Variants in ANKS1B observed in about 807,000 individuals in gnomAD.
ANKS1B encodes the protein ankyrin repeat and sterile alpha motif domain containing 1B.
A neutral mutation model predicts 148.3 loss-of-function variants in ANKS1B; 36 were observed. The ratio of observed to expected loss-of-function variants is 0.24; its 90% CI spans 0.19 to 0.32. The LOEUF (loss-of-function observed/expected upper bound fraction) is 0.32, where lower values mean the gene tolerates loss of function less well. ANKS1B is among the 10% of genes least tolerant of loss of function. The pLI is 1.00. For missense variants in ANKS1B, 1,157 were observed against 1,542.6 expected (o/e 0.75, Z 4.19); for synonymous variants, 542 against 560.8 (o/e 0.97, Z 0.47).
intron 12 of ANKS1B, among the ~76,000 whole-genome samples, chr12:99,391,210 A>G (rs2094053492): frequency 6.6e-6 from 1 of 152,206 alleles, no homozygotes; most frequent in African/African-American, 2.4e-5. Flanking sequence ...GTTCACAGAG[A>G]AAATAAGAGC....
At chr12:98,879,653 A>G (rs1354444910) in intron 17 of ANKS1B, among the ~76,000 whole-genome samples, 1 of 152,146 alleles carries the variant, frequency 6.6e-6, no homozygotes, top group Admixed American at 6.5e-5. Flanking sequence ...GCATTTGAGA[A>G]ACCTTCGTTG....
At chr12:99,045,257 C>T (rs1304354548) in intron 17 of ANKS1B, among the ~76,000 whole-genome samples, 2 of 152,150 alleles carry the variant, frequency 1.3e-5, no homozygotes, top group African/African-American at 4.8e-5. Context: ...TCTATGGAGG[C>T]ACATGTGTTT....
intron 12 of ANKS1B, among the ~76,000 whole-genome samples, chr12:99,362,769 T>C (rs2152434791): frequency 6.6e-6 from 1 of 152,200 alleles, no homozygotes; most frequent in South Asian, 2.1e-4. Flanking sequence ...TCAAGTTATC[T>C]GCTAATTTTT....
Position 99,830,200 on chromosome 12 carries a change from T to C in ANKS1B, c.135-4811A>G, listed in dbSNP as rs533425875. Among the ~76,000 whole-genome samples the C allele has an allele frequency of 6.6e-5, 10 of 152,264 alleles. No individual in the cohort carries two copies. In the South Asian group the frequency reaches 8.3e-4, roughly 13 times the overall value. ...TAATGAATAAGATATCATCTCTTCC[T>C]CCAAAGAGCTGACAATCTAATAGAG... On this transcript the variant is annotated intron_variant, in intron 1 of 26. Transcript: ENST00000683438.
At chr12:98,935,433 C>CTCT (rs1399582810) in intron 17 of ANKS1B, among the ~76,000 whole-genome samples, 1 of 152,132 alleles carries the variant, frequency 6.6e-6, no homozygotes, top group Non-Finnish European at 1.5e-5. Context: ...CTGCAGTTTT[C>CTCT]TCTTCTTTTG....
chr12:99,331,212 G>T (rs546432413), intron 12 of ANKS1B, among the ~76,000 whole-genome samples: 1 of 151,952 alleles, frequency 6.6e-6, no homozygotes, highest in Non-Finnish European at 1.5e-5. Context: ...TATGCTCATG[G>T]ATTCCTGGAT....
At chr12:99,299,206 G>A (rs1020573825) in intron 12 of ANKS1B, among the ~76,000 whole-genome samples, 1 of 152,038 alleles carries the variant, frequency 6.6e-6, no homozygotes, top group African/African-American at 2.4e-5. Context: ...GATTACAGGT[G>A]TGCGCTACCA....
chr12:99,594,792 G>A (rs894244283), intron 9 of ANKS1B, among the ~76,000 whole-genome samples: 1 of 151,892 alleles, frequency 6.6e-6, no homozygotes, highest in African/African-American at 2.4e-5. Context: ...CTAGAAATCT[G>A]CAGTACAAAT....
At chr12:99,631,621 G>A (rs983840477) in intron 9 of ANKS1B, among the ~76,000 whole-genome samples, 2 of 152,158 alleles carry the variant, frequency 1.3e-5, no homozygotes, top group African/African-American at 4.8e-5. Context: ...TGTCATAAAT[G>A]GGCAAAGAAC....
At chr12:99,632,283 C>T (rs1832191516) in intron 9 of ANKS1B, among the ~76,000 whole-genome samples, 1 of 152,030 alleles carries the variant, frequency 6.6e-6, no homozygotes, top group South Asian at 2.1e-4. Context: ...AGCCTCCACC[C>T]AGATTTCAAA....
chr12:98,901,203 T>C (rs1310817314), intron 17 of ANKS1B, among the ~76,000 whole-genome samples: 1 of 152,202 alleles, frequency 6.6e-6, no homozygotes, highest in Admixed American at 6.5e-5. Context: ...TTTAATTGCT[T>C]TCCAAATAGA....
chr12:99,629,312 G>A (rs1036202779), intron 9 of ANKS1B, among the ~76,000 whole-genome samples: 2 of 152,038 alleles, frequency 1.3e-5, no homozygotes, highest in Admixed American at 1.3e-4. Context: ...TAAGTTAAAA[G>A]TTAATTCATA....
chr12:99,852,348 C>T (rs539611038), intron 1 of ANKS1B, among the ~76,000 whole-genome samples: 1 of 152,088 alleles, frequency 6.6e-6, no homozygotes, highest in Non-Finnish European at 1.5e-5. Context: ...TACATTCAAA[C>T]GTTAAGGTAT....
intron 11 of ANKS1B, among the ~76,000 whole-genome samples, chr12:99,402,129 T>G (rs2094421423): frequency 6.8e-6 from 1 of 146,084 alleles, no homozygotes; most frequent in African/African-American, 2.6e-5. Flanking sequence ...TAACTATAGG[T>G]TTCCTTTTAT....
chr12:98,946,782 C>T (rs192396463), intron 17 of ANKS1B, among the ~76,000 whole-genome samples: 90 of 150,978 alleles, frequency 6.0e-4, no homozygotes, highest in Admixed American at 4.7e-3. Context: ...CTGAAAAAAG[C>T]AAAAAAGAAA....
intron 17 of ANKS1B, among the ~76,000 whole-genome samples, chr12:98,858,792 A>C (rs895043897): frequency 6.6e-5 from 10 of 152,200 alleles, no homozygotes; most frequent in African/African-American, 2.4e-4. Flanking sequence ...CACTACTGGA[A>C]GCTGTGATGT....
intron 8 of ANKS1B, among the ~76,000 whole-genome samples, chr12:99,763,417 A>C (rs1013613334): frequency 6.6e-6 from 1 of 152,174 alleles, no homozygotes; most frequent in African/African-American, 2.4e-5. Context: ...ACTTGTTCTT[A>C]CTCGTAAGTG....
At chr12:98,955,973 G>C (rs938197345) in intron 17 of ANKS1B, among the ~76,000 whole-genome samples, 3 of 152,194 alleles carry the variant, frequency 2.0e-5, no homozygotes, top group Admixed American at 6.5e-5. Flanking sequence ...TTTGGGATGT[G>C]ACATTGGAAA....
At chr12:98,857,014 A>G (rs1020373633) in intron 17 of ANKS1B, among the ~76,000 whole-genome samples, 1 of 152,012 alleles carries the variant, frequency 6.6e-6, no homozygotes, top group African/African-American at 2.4e-5. Context: ...TGGAGAGGCA[A>G]TGATTCCTAA....
Sources: allele counts gnomAD v4.1 joint callset (sites outside exome capture counted in the v4.1 genomes callset), GRCh38; gene constraint gnomAD v4.1.1; transcripts MANE v1.5; gene names NCBI Gene and HGNC (gene_info 2026-07-23, HGNC 2026-07-21).